MAN2A1: variants seen among roughly 807,000 people sequenced by gnomAD.
MAN2A1 encodes the protein mannosidase alpha class 2A member 1, also known as alpha-mannosidase 2.
A neutral mutation model predicts 142.6 loss-of-function variants in MAN2A1; 76 were observed. The observed-to-expected ratio is 0.53, with a 90% CI of 0.44 to 0.65. MAN2A1 has a LOEUF of 0.65. Among genes scored for constraint, MAN2A1 ranks in the 30% least tolerant of loss-of-function variants. The pLI is 0.00. For synonymous variants in MAN2A1, 559 were observed against 473.2 expected (o/e 1.18, Z -2.35); for missense variants, 1,311 against 1,365.1 (o/e 0.96, Z 0.62).
intron 6 of MAN2A1, among the ~76,000 whole-genome samples, chr5:109,768,747 A>G (rs1753060778): frequency 6.6e-6 from 1 of 152,158 alleles, no homozygotes; most frequent in Admixed American, 6.6e-5. Flanking sequence ...ACAGTTTCTT[A>G]ATTCTAGAAA....
At chr5:109,857,825 TG>T (rs1383852324) in intron 20 of MAN2A1, among the ~76,000 whole-genome samples, 1 of 152,210 alleles carries the variant, frequency 6.6e-6, no homozygotes, top group Admixed American at 6.5e-5. Flanking sequence ...TGCAGCCACC[TG>T]GCTTCCCGTT....
chr5:109,792,252 TC>T (rs1182377239), intron 12 of MAN2A1, among the ~76,000 whole-genome samples: 1 of 152,088 alleles, frequency 6.6e-6, no homozygotes, highest in Middle Eastern at 3.2e-3. Flanking sequence ...GGTTCTGAAA[TC>T]CCAGAACCTA....
chr5:109,839,337 C>T (rs1281700393), intron 16 of MAN2A1, among the ~76,000 whole-genome samples: 2 of 152,144 alleles, frequency 1.3e-5, no homozygotes, highest in African/African-American at 2.4e-5. Flanking sequence ...TTTCGTAGGT[C>T]AGAGAAGATA....
chr5:109,789,994 A>G (rs1161210010), intron 12 of MAN2A1, among the ~76,000 whole-genome samples: 2 of 151,878 alleles, frequency 1.3e-5, no homozygotes, highest in Non-Finnish European at 2.9e-5. Context: ...TTGTTTTAGC[A>G]CTATTGATTT....
At chr5:109,852,383 C>G (rs1318884445) in intron 19 of MAN2A1, among the ~76,000 whole-genome samples, 1 of 152,090 alleles carries the variant, frequency 6.6e-6, no homozygotes, top group African/African-American at 2.4e-5. Context: ...CTTCAACAGA[C>G]ATTTATTAAG....
intron 1 of MAN2A1, among the ~76,000 whole-genome samples, chr5:109,693,681 GGGTGCT>G (rs1750735533): frequency 6.6e-6 from 1 of 151,992 alleles, no homozygotes; most frequent in Non-Finnish European, 1.5e-5. Context: ...GGCTGGCCGA[GGGTGCT>G]CCAGTTTCTC....
chr5:109,838,061 A>T (rs1450266429), intron 16 of MAN2A1, among the ~76,000 whole-genome samples: 2 of 132,082 alleles, frequency 1.5e-5, no homozygotes, highest in African/African-American at 6.3e-5. Flanking sequence ...AGGGAGATTA[A>T]AAAAAAAAAA....
chr5:109,808,600 A>G (rs570987622), intron 12 of MAN2A1, among the ~76,000 whole-genome samples: 18 of 152,148 alleles, frequency 1.2e-4, no homozygotes, highest in African/African-American at 4.1e-4. Context: ...ATTAGCTAAT[A>G]TAATGTTTTG....
chr5:109,832,722 G>GCTGCAATCTC (rs1754947628), intron 16 of MAN2A1, among the ~76,000 whole-genome samples: 1 of 151,206 alleles, frequency 6.6e-6, no homozygotes, highest in African/African-American at 2.4e-5. Context: ...CCGGGCAGAG[G>GCTGCAATCTC]GGCCCCCCCA....
At chr5:109,692,424 G>C (rs548747567) in intron 1 of MAN2A1, among the ~76,000 whole-genome samples, 9 of 152,176 alleles carry the variant, frequency 5.9e-5, no homozygotes, top group Admixed American at 5.9e-4. Flanking sequence ...GTGCTTGGAC[G>C]GCCACTGAAT....
intron 1 of MAN2A1, among the ~76,000 whole-genome samples, chr5:109,709,762 T>C (rs1388537800): frequency 6.6e-6 from 1 of 152,164 alleles, no homozygotes; most frequent in Non-Finnish European, 1.5e-5. Flanking sequence ...CATGACCTCC[T>C]TCCCCACTCC....
intron 1 of MAN2A1, among the ~76,000 whole-genome samples, chr5:109,694,876 C>T (rs1369171413): frequency 6.6e-6 from 1 of 152,102 alleles, no homozygotes; most frequent in Non-Finnish European, 1.5e-5. Flanking sequence ...GATCTCCTTC[C>T]CCTTCCTTGA....
chr5:109,773,611 A>C (rs1318888662), intron 7 of MAN2A1, among the ~76,000 whole-genome samples: 1 of 152,156 alleles, frequency 6.6e-6, no homozygotes, highest in Non-Finnish European at 1.5e-5. Flanking sequence ...AAAACTAAGC[A>C]TTATATGTTA....
At chr5:109,700,962 A>G (rs1048375104) in intron 1 of MAN2A1, among the ~76,000 whole-genome samples, 1 of 152,228 alleles carries the variant, frequency 6.6e-6, no homozygotes, top group African/African-American at 2.4e-5. Context: ...TTGTGAAACT[A>G]TTAGAGCCAG....
At chr5:109,764,177 C>T (rs1296944042) in intron 5 of MAN2A1, among the ~76,000 whole-genome samples, 4 of 152,044 alleles carry the variant, frequency 2.6e-5, no homozygotes, top group Non-Finnish European at 5.9e-5. Context: ...CCTGATTCCT[C>T]TTAAACTATA....
At chr5:109,830,141 G>A (rs1754868815) in intron 16 of MAN2A1, among the ~76,000 whole-genome samples, 1 of 152,168 alleles carries the variant, frequency 6.6e-6, no homozygotes, top group African/African-American at 2.4e-5. Context: ...CAATAAGTAA[G>A]TATGAGTTTA....
chr5:109,753,708 A>G (rs1003874603), intron 4 of MAN2A1, among the ~76,000 whole-genome samples: 31 of 152,250 alleles, frequency 2.0e-4, no homozygotes, highest in African/African-American at 6.7e-4. Context: ...ATAGTTATTC[A>G]TCCTCTGTGC....
At chr5:109,707,833 G>C (rs1751179648) in intron 1 of MAN2A1, among the ~76,000 whole-genome samples, 2 of 152,186 alleles carry the variant, frequency 1.3e-5, no homozygotes, top group Non-Finnish European at 2.9e-5. Flanking sequence ...TGCCTAACTA[G>C]GTAGAGATTA....
At position 109,774,943 on chromosome 5, in the gene MAN2A1, C is replaced by G. The variant is rs142084782; in HGVS notation, c.1352C>G (p.Ser451Cys). ...CAGCAGCTTTTTGATTATATGAATT[C>G]TCAGTCCAAGTTTAAAGTTAAGGTA... ...NYQQLFDYMN[S>C]QSKFKVKIQF... Residue 451 changes from serine to cysteine, a missense_variant, in exon 8 of 22, where the codon TCT becomes TGT. Physicochemically the swap from Ser to Cys is moderately radical, Grantham distance 112. Coordinates refer to ENST00000261483, the MANE Select transcript of MAN2A1 (RefSeq NM_002372.4). The G allele has an allele frequency of 1.2e-6, 2 of 1,605,980 alleles. No individual in the cohort carries two copies. The highest frequency in any genetic ancestry group is 2.7e-5 in the African/African-American group (2 of 74,468).
Sources: allele counts gnomAD v4.1 joint callset (sites outside exome capture counted in the v4.1 genomes callset), GRCh38; gene constraint gnomAD v4.1.1; transcripts MANE v1.5; gene names NCBI Gene and HGNC (gene_info 2026-07-23, HGNC 2026-07-21).